ERBB4: variants seen among roughly 807,000 people sequenced by gnomAD.
The protein encoded by ERBB4 is receptor tyrosine-protein kinase erbB-4.
ERBB4 carries 42 observed loss-of-function variants against 158.0 expected under a neutral mutation model. The observed-to-expected ratio is 0.27, with a 90% confidence interval of 0.21 to 0.34. ERBB4 has a LOEUF of 0.34. Among genes scored for constraint, ERBB4 ranks in the 10% least tolerant of loss-of-function variants. The pLI is 1.00. For missense variants in ERBB4, 1,333 were observed against 1,624.1 expected (o/e 0.82, Z 3.08); for synonymous variants, 583 against 558.7 (o/e 1.04, Z -0.61).
At chr2:212,330,454 A>G (rs901125301) in intron 1 of ERBB4, among the ~76,000 whole-genome samples, 1 of 151,918 alleles carries the variant, frequency 6.6e-6, no homozygotes, top group Non-Finnish European at 1.5e-5. Context: ...CACTGTCTCT[A>G]TAAAAAAATA....
At chr2:212,269,336 T>C (rs190810012) in intron 1 of ERBB4, among the ~76,000 whole-genome samples, 161 of 151,952 alleles carry the variant, frequency 1.1e-3, no homozygotes, top group African/African-American at 3.6e-3. Context: ...ATGAACATGC[T>C]TTGTGTTGAG....
intron 4 of ERBB4, among the ~76,000 whole-genome samples, chr2:211,763,458 C>T (rs541213584): frequency 6.6e-6 from 1 of 152,234 alleles, no homozygotes; most frequent in African/African-American, 2.4e-5. Context: ...GTGTTCAAAA[C>T]ACAATGGGCT....
intron 1 of ERBB4, among the ~76,000 whole-genome samples, chr2:212,381,649 T>C (rs75852261): frequency 0.02 from 3,038 of 151,398 alleles, 50 homozygotes; most frequent in Non-Finnish European, 0.028. Context: ...GATTTATTCA[T>C]GACGGAATCA....
At chr2:212,235,099 A>G (rs1000891904) in intron 1 of ERBB4, among the ~76,000 whole-genome samples, 2 of 152,094 alleles carry the variant, frequency 1.3e-5, no homozygotes, top group Non-Finnish European at 2.9e-5. Flanking sequence ...TAGGGTTTTT[A>G]TGGTTTTAGG....
At chr2:211,476,357 G>A (rs1189960446) in intron 20 of ERBB4, among the ~76,000 whole-genome samples, 7 of 152,062 alleles carry the variant, frequency 4.6e-5, no homozygotes. Context: ...CTTCCTTTGT[G>A]AGACAAAAGA....
intron 20 of ERBB4, among the ~76,000 whole-genome samples, chr2:211,435,768 A>C (rs547628766): frequency 6.6e-6 from 1 of 152,338 alleles, no homozygotes; most frequent in Admixed American, 6.5e-5. Flanking sequence ...GGGCCCCCAC[A>C]AAAACAGTCC....
intron 2 of ERBB4, among the ~76,000 whole-genome samples, chr2:212,057,507 C>T (rs1272265140): frequency 6.6e-6 from 1 of 152,138 alleles, no homozygotes; most frequent in South Asian, 2.1e-4. Flanking sequence ...ACACTGATTC[C>T]AAAACTGACC....
At chr2:211,851,249 A>C (rs1170768204) in intron 3 of ERBB4, among the ~76,000 whole-genome samples, 3 of 152,002 alleles carry the variant, frequency 2.0e-5, no homozygotes, top group Non-Finnish European at 2.9e-5. Context: ...AATATGAACT[A>C]ATGATTCAGT....
chr2:212,470,144 G>C (rs1314856712), intron 1 of ERBB4, among the ~76,000 whole-genome samples: 3 of 151,944 alleles, frequency 2.0e-5, no homozygotes, highest in African/African-American at 7.3e-5. Flanking sequence ...GGTGAATAAA[G>C]GCAAAGACTG....
At chr2:212,309,165 T>C (rs1458294312) in intron 1 of ERBB4, among the ~76,000 whole-genome samples, 1 of 150,960 alleles carries the variant, frequency 6.6e-6, no homozygotes, top group Non-Finnish European at 1.5e-5. Context: ...GAAAAATAAC[T>C]ATTTAAATAT....
intron 3 of ERBB4, among the ~76,000 whole-genome samples, chr2:211,820,664 T>C (rs1420785348): frequency 2.0e-5 from 3 of 151,620 alleles, no homozygotes; most frequent in East Asian, 3.9e-4. Context: ...TCTGATGACA[T>C]AGACACACAC....
At chr2:211,932,453 T>C (rs964179999) in intron 3 of ERBB4, among the ~76,000 whole-genome samples, 2 of 152,054 alleles carry the variant, frequency 1.3e-5, no homozygotes, top group African/African-American at 4.8e-5. Flanking sequence ...CTGTTTGCCC[T>C]TTGTATCTCA....
At chr2:212,517,648 T>C (rs1181404982) in intron 1 of ERBB4, among the ~76,000 whole-genome samples, 3 of 152,214 alleles carry the variant, frequency 2.0e-5, no homozygotes, top group East Asian at 3.9e-4. Context: ...CTTCCAGCCA[T>C]GGAAATAGAG....
At chr2:211,875,961 T>A (rs2078488447) in intron 3 of ERBB4, among the ~76,000 whole-genome samples, 1 of 152,146 alleles carries the variant, frequency 6.6e-6, no homozygotes, top group Non-Finnish European at 1.5e-5. Context: ...TAGATTTGTG[T>A]AAATACACTC....
chr2:211,466,880 T>C (rs2125516288), intron 20 of ERBB4, among the ~76,000 whole-genome samples: 1 of 152,204 alleles, frequency 6.6e-6, no homozygotes, highest in East Asian at 1.9e-4. Context: ...TTCCTCTCTC[T>C]CTCTCTTTTC....
At chr2:212,480,590 A>G (rs1045360393) in intron 1 of ERBB4, among the ~76,000 whole-genome samples, 2 of 152,206 alleles carry the variant, frequency 1.3e-5, no homozygotes, top group Admixed American at 6.5e-5. Flanking sequence ...TGCAGCATGT[A>G]AGTATCATGT....
intron 3 of ERBB4, among the ~76,000 whole-genome samples, chr2:211,832,625 T>C (rs548190618): frequency 2.0e-5 from 3 of 150,772 alleles, no homozygotes; most frequent in Admixed American, 6.6e-5. Context: ...TATATACATA[T>C]ATATACACAC....
chr2:211,707,149 A>G (rs2073477739), intron 9 of ERBB4, among the ~76,000 whole-genome samples: 1 of 152,190 alleles, frequency 6.6e-6, no homozygotes, highest in South Asian at 2.1e-4. Context: ...GTCAGTCCGG[A>G]CCTTTACTGA....
chr2:212,029,611 C>T (rs570537058), intron 2 of ERBB4, among the ~76,000 whole-genome samples: 42 of 152,246 alleles, frequency 2.8e-4, no homozygotes, highest in Admixed American at 1.4e-3. Flanking sequence ...TTCATGACAT[C>T]GTGCTTTCTA....
Sources: allele counts gnomAD v4.1 joint callset (sites outside exome capture counted in the v4.1 genomes callset), GRCh38; gene constraint gnomAD v4.1.1; transcripts MANE v1.5; gene names NCBI Gene and HGNC (gene_info 2026-07-23, HGNC 2026-07-21).